Variants in EXOC6 observed in about 807,000 individuals in gnomAD.
EXOC6 encodes the protein exocyst complex component 6, also known as SEC15-like 1.
In EXOC6, 60 loss-of-function variants were observed where a neutral mutation model predicts 112.5. The observed-to-expected ratio is 0.53, with a 90% CI of 0.43 to 0.66. EXOC6 has a LOEUF of 0.66. Among genes scored for constraint, EXOC6 ranks in the 30% least tolerant of loss-of-function variants. The pLI, the probability that EXOC6 is intolerant of heterozygous loss-of-function variation, is 0.00. For missense variants in EXOC6, 855 were observed against 957.1 expected (o/e 0.89, Z 1.41); for synonymous variants, 295 against 308.0 (o/e 0.96, Z 0.44).
At chr10:92,945,896 A>G (rs1852964057) in intron 13 of EXOC6, among the ~76,000 whole-genome samples, 2 of 152,210 alleles carry the variant, frequency 1.3e-5, no homozygotes, top group African/African-American at 4.8e-5. Context: ...TAGTGAAAGT[A>G]AATACCAAAA....
At chr10:93,057,857 C>G (rs1476860343) in intron 21 of EXOC6, among the ~76,000 whole-genome samples, 1 of 152,068 alleles carries the variant, frequency 6.6e-6, no homozygotes, top group Non-Finnish European at 1.5e-5. Context: ...TTTACATTTT[C>G]TAATGTTATT....
chr10:92,893,896 A>G (rs1265651419), intron 2 of EXOC6, among the ~76,000 whole-genome samples: 1 of 152,222 alleles, frequency 6.6e-6, no homozygotes, highest in Admixed American at 6.5e-5. Flanking sequence ...TTATGTTCTC[A>G]GCATTATTTA....
chr10:92,928,292 A>G (rs756180964), intron 8 of EXOC6, 47 bp from the exon 9 acceptor site: 5 of 1,005,752 alleles, frequency 5.0e-6, no homozygotes, highest in South Asian at 4.2e-5. Context: ...TTTTAGTTGT[A>G]TGTGTGTGTA....
chr10:92,871,327 G>T (rs914332878), intron 1 of EXOC6, among the ~76,000 whole-genome samples: 3 of 151,392 alleles, frequency 2.0e-5, no homozygotes, highest in African/African-American at 7.3e-5. Context: ...AGGAGTTTGA[G>T]ACCAGCCTGC....
chr10:92,944,004 T>C (rs1336600647), intron 13 of EXOC6, among the ~76,000 whole-genome samples: 1 of 152,186 alleles, frequency 6.6e-6, no homozygotes, highest in Non-Finnish European at 1.5e-5. Flanking sequence ...TATGCAGTAT[T>C]TGACTTCTGT....
chr10:92,966,934 A>G (rs2134061823), intron 17 of EXOC6, among the ~76,000 whole-genome samples: 1 of 122,398 alleles, frequency 8.2e-6, no homozygotes, highest in Non-Finnish European at 1.7e-5. Flanking sequence ...GTTTCTCCAC[A>G]TCCTCTCCAG....
At chr10:92,889,772 G>T (rs761288706) in intron 1 of EXOC6, among the ~76,000 whole-genome samples, 33 of 151,534 alleles carry the variant, frequency 2.2e-4, no homozygotes, top group Non-Finnish European at 4.9e-4. Flanking sequence ...TTTTCAGAGT[G>T]GGGGTTGCGC....
At chr10:93,008,251 TTTTG>T (rs1042554171) in intron 19 of EXOC6, among the ~76,000 whole-genome samples, 21 of 152,198 alleles carry the variant, frequency 1.4e-4, no homozygotes, top group Non-Finnish European at 2.5e-4. Flanking sequence ...CCTGAAGTTA[TTTTG>T]TTTATTAAAA....
chr10:92,829,169 G>T (rs1236287536), intron 1 of EXOC6, among the ~76,000 whole-genome samples: 1 of 152,074 alleles, frequency 6.6e-6, no homozygotes, highest in Non-Finnish European at 1.5e-5. Flanking sequence ...AGACAACATG[G>T]GGCTGGCCAA....
At chr10:92,976,664 A>G (rs79157917) in intron 18 of EXOC6, among the ~76,000 whole-genome samples, 1,699 of 148,482 alleles carry the variant, frequency 0.011, 19 homozygotes, top group Non-Finnish European at 0.017. Flanking sequence ...TCAGTAAAAA[A>G]AAAAATAATA....
At chr10:93,036,515 C>A (rs1047014556) in intron 20 of EXOC6, among the ~76,000 whole-genome samples, 1 of 152,070 alleles carries the variant, frequency 6.6e-6, no homozygotes, top group Admixed American at 6.6e-5. Flanking sequence ...ATTTGTTGGA[C>A]ATTATGGATT....
At chr10:92,994,933 A>G (rs1412858497) in intron 18 of EXOC6, among the ~76,000 whole-genome samples, 2 of 152,152 alleles carry the variant, frequency 1.3e-5, no homozygotes, top group East Asian at 3.9e-4. Context: ...ATAGTTGTAT[A>G]CATTTTATAG....
At chr10:92,914,643 C>T (rs577073076) in intron 6 of EXOC6, among the ~76,000 whole-genome samples, 1 of 152,232 alleles carries the variant, frequency 6.6e-6, no homozygotes, top group South Asian at 2.1e-4. Flanking sequence ...ATAATTTTCT[C>T]CAGTACCAGC....
At chr10:93,055,318 T>C (rs1345260298) in intron 20 of EXOC6, among the ~76,000 whole-genome samples, 1 of 152,212 alleles carries the variant, frequency 6.6e-6, no homozygotes, top group African/African-American at 2.4e-5. Context: ...ACCTCACTAC[T>C]TAACCAGTCT....
chr10:93,019,252 T>G (rs1844673581), intron 20 of EXOC6, among the ~76,000 whole-genome samples: 1 of 152,160 alleles, frequency 6.6e-6, no homozygotes, highest in African/African-American at 2.4e-5. Flanking sequence ...AGTGCTGGGA[T>G]TACAGGCGTG....
chr10:92,976,047 G>T (rs1215528746), intron 18 of EXOC6, among the ~76,000 whole-genome samples: 13 of 10,254 alleles, frequency 1.3e-3, no homozygotes, highest in East Asian at 0.062. Context: ...GAGGGAGGTG[G>T]GGGGGGGGGT....
At chr10:92,839,510 C>T (rs17376654) in intron 1 of EXOC6, among the ~76,000 whole-genome samples, 4,537 of 152,224 alleles carry the variant, frequency 0.03, 99 homozygotes, top group Non-Finnish European at 0.044. Flanking sequence ...AAATTAGTGA[C>T]GGTAGTATGG....
intron 17 of EXOC6, among the ~76,000 whole-genome samples, chr10:92,969,428 T>G (rs1842195380): frequency 6.6e-6 from 1 of 152,150 alleles, no homozygotes; most frequent in African/African-American, 2.4e-5. Flanking sequence ...CTCCACTGTT[T>G]CCTGACCCAT....
At chr10:92,973,667 C>A (rs550387062) in intron 17 of EXOC6, among the ~76,000 whole-genome samples, 2 of 152,302 alleles carry the variant, frequency 1.3e-5, no homozygotes, top group African/African-American at 4.8e-5. Context: ...CTGTGATAGT[C>A]CAACTTAATT....
Sources: gnomAD v4.1 joint callset for allele counts (sites outside exome capture counted in the v4.1 genomes callset) on GRCh38, gnomAD v4.1.1 for gene constraint, MANE v1.5 for transcripts, NCBI Gene and HGNC (gene_info 2026-07-23, HGNC 2026-07-21) for gene names.